Variants in NCK1 observed in about 807,000 individuals in gnomAD.
NCK1 encodes SH2/SH3 adapter protein NCK1.
A neutral mutation model predicts 36.6 loss-of-function variants in NCK1; 19 were observed. That is an observed-to-expected ratio of 0.52 (90% CI 0.36 to 0.76). The LOEUF (loss-of-function observed/expected upper bound fraction) is 0.76, where lower values mean the gene tolerates loss of function less well. Ranked by LOEUF, NCK1 falls within the 30% of genes least tolerant of loss-of-function variation. NCK1 has a pLI of 0.00. For synonymous variants in NCK1, 165 were observed against 156.0 expected (o/e 1.06, Z -0.43); for missense variants, 358 against 445.6 (o/e 0.80, Z 1.77).
At chr3:136,941,152 G>T (rs1940664729) in intron 2 of NCK1, among the ~76,000 whole-genome samples, 1 of 138,054 alleles carries the variant, frequency 7.2e-6, no homozygotes, top group African/African-American at 2.8e-5. Context: ...GGGGGTCAGG[G>T]TCTCACTCTG....
At chr3:136,934,486 A>G (rs1445891490) in intron 2 of NCK1, among the ~76,000 whole-genome samples, 2 of 151,968 alleles carry the variant, frequency 1.3e-5, no homozygotes, top group Admixed American at 6.5e-5. Flanking sequence ...GGGTTTCACC[A>G]TGTTGGCCAG....
At chr3:136,891,666 G>C (rs912400023) in intron 1 of NCK1, among the ~76,000 whole-genome samples, 1 of 152,116 alleles carries the variant, frequency 6.6e-6, no homozygotes, top group African/African-American at 2.4e-5. Flanking sequence ...AGTGCACAAG[G>C]GTTCTAATTT....
intron 1 of NCK1, among the ~76,000 whole-genome samples, chr3:136,893,034 T>C (rs1474035698): frequency 6.6e-6 from 1 of 150,940 alleles, no homozygotes; most frequent in Non-Finnish European, 1.5e-5. Context: ...GAATATACGA[T>C]GTTTGGTTTT....
At chr3:136,874,275 A>G (rs1211622164) in intron 1 of NCK1, among the ~76,000 whole-genome samples, 1 of 152,164 alleles carries the variant, frequency 6.6e-6, no homozygotes, top group Admixed American at 6.5e-5. Context: ...TCCCAGGTTC[A>G]AGTGATTGTC....
chr3:136,879,575 G>A (rs550914080), intron 1 of NCK1, among the ~76,000 whole-genome samples: 70 of 152,000 alleles, frequency 4.6e-4, no homozygotes, highest in Admixed American at 8.5e-4. Flanking sequence ...GACCTTATGT[G>A]CACTATTCAC....
At chr3:136,931,793 G>T (rs966816213) in intron 2 of NCK1, among the ~76,000 whole-genome samples, 2 of 152,104 alleles carry the variant, frequency 1.3e-5, no homozygotes, top group Admixed American at 1.3e-4. Context: ...CATAAGTGAT[G>T]TTGACCATAA....
chr3:136,892,558 A>C (rs959029415), intron 1 of NCK1, among the ~76,000 whole-genome samples: 5 of 152,240 alleles, frequency 3.3e-5, no homozygotes, highest in Admixed American at 6.5e-5. Flanking sequence ...GAGCTGGAAT[A>C]GACAAAGAAC....
intron 1 of NCK1, among the ~76,000 whole-genome samples, chr3:136,922,639 A>C (rs1439449997): frequency 2.0e-5 from 3 of 152,208 alleles, no homozygotes; most frequent in Admixed American, 2.0e-4. Context: ...CTGAAATACT[A>C]TTTCTCCCCT....
chr3:136,896,578 C>T (rs1355231514), intron 1 of NCK1, among the ~76,000 whole-genome samples: 2 of 152,140 alleles, frequency 1.3e-5, no homozygotes, highest in Admixed American at 1.3e-4. Context: ...CACTCTGTCA[C>T]CCAGGCTGGA....
intron 2 of NCK1, among the ~76,000 whole-genome samples, chr3:136,941,116 CTTTTTTTTTT>C (rs34776608): frequency 1.1e-4 from 11 of 100,098 alleles, no homozygotes; most frequent in African/African-American, 3.1e-4. Flanking sequence ...ATTTCTTTTT[CTTTTTTTTTT>C]TTTTTTTTGG....
intron 1 of NCK1, among the ~76,000 whole-genome samples, chr3:136,921,189 C>G (rs1940098570): frequency 1.3e-5 from 2 of 152,202 alleles, no homozygotes; most frequent in Non-Finnish European, 2.9e-5. Flanking sequence ...AACTTAAACT[C>G]TGTACCCATT....
intron 1 of NCK1, among the ~76,000 whole-genome samples, chr3:136,921,315 A>G (rs1313271867): frequency 1.3e-5 from 2 of 152,246 alleles, no homozygotes; most frequent in Non-Finnish European, 2.9e-5. Flanking sequence ...TTAACTCAGG[A>G]AACAACTAGA....
chr3:136,943,676 G>GTAC (rs1018187866), intron 2 of NCK1, among the ~76,000 whole-genome samples: 10 of 152,178 alleles, frequency 6.6e-5, no homozygotes, highest in African/African-American at 1.9e-4. Context: ...ACTGATGTAT[G>GTAC]TACTGCTAAG....
intron 1 of NCK1, among the ~76,000 whole-genome samples, chr3:136,885,224 G>A (rs1435995289): frequency 6.6e-6 from 1 of 152,174 alleles, no homozygotes; most frequent in Non-Finnish European, 1.5e-5. Flanking sequence ...GTGGCCATGA[G>A]TTGATGATTT....
At chr3:136,924,593 A>G (rs1329690068) in intron 1 of NCK1, among the ~76,000 whole-genome samples, 2 of 152,246 alleles carry the variant, frequency 1.3e-5, no homozygotes, top group African/African-American at 4.8e-5. Context: ...TTAATAAAGG[A>G]ACACCTTTTC....
intron 2 of NCK1, among the ~76,000 whole-genome samples, chr3:136,930,962 C>T (rs1394986229): frequency 4.3e-5 from 6 of 140,232 alleles, no homozygotes; most frequent in African/African-American, 2.6e-5. Context: ...ATTTCTTCAT[C>T]CTCAACTTTG....
At chr3:136,930,161 T>C (rs1940354618) in intron 2 of NCK1, among the ~76,000 whole-genome samples, 1 of 152,174 alleles carries the variant, frequency 6.6e-6, no homozygotes. Flanking sequence ...AACTTAAATA[T>C]CCGGTGTAAT....
At chr3:136,926,779 G>A (rs1402987628) in intron 1 of NCK1, among the ~76,000 whole-genome samples, 1 of 152,096 alleles carries the variant, frequency 6.6e-6, no homozygotes, top group Non-Finnish European at 1.5e-5. Flanking sequence ...TTTTTGTTAT[G>A]GTTGTTGGAG....
chr3:136,892,211 T>C (rs918427145), intron 1 of NCK1, among the ~76,000 whole-genome samples: 3 of 152,180 alleles, frequency 2.0e-5, no homozygotes, highest in Non-Finnish European at 2.9e-5. Context: ...GTTGTTGTTG[T>C]TGTTTTTGAC....
Sources: allele counts gnomAD v4.1 joint callset (sites outside exome capture counted in the v4.1 genomes callset), GRCh38; gene constraint gnomAD v4.1.1; transcripts MANE v1.5; gene names NCBI Gene and HGNC (gene_info 2026-07-23, HGNC 2026-07-21).